The following GRM8 variants were observed in gnomAD, a reference collection of about 807,000 sequenced individuals.
GRM8 encodes metabotropic glutamate receptor 8.
GRM8 carries 47 observed loss-of-function variants against 87.2 expected under a neutral mutation model. The ratio of observed to expected loss-of-function variants is 0.54; its 90% confidence interval spans 0.43 to 0.69. The LOEUF is 0.69. Ranked by LOEUF, GRM8 falls within the 30% of genes least tolerant of loss-of-function variation. GRM8 has a pLI of 0.00. For synonymous variants in GRM8, 396 were observed against 404.5 expected, an observed-to-expected ratio of 0.98 and a Z score of 0.25; for missense variants, 1,019 against 1,139.2, an observed-to-expected ratio of 0.89 and a Z score of 1.52.
intron 6 of GRM8, among the ~76,000 whole-genome samples, chr7:126,814,330 C>A (rs1476924903): frequency 2.0e-5 from 3 of 152,042 alleles, no homozygotes; most frequent in Non-Finnish European, 2.9e-5. Flanking sequence ...GTTCTTGAAC[C>A]TCCCCTGTAA....
chr7:127,102,579 T>G (rs758067971), intron 3 of GRM8, among the ~76,000 whole-genome samples: 1 of 152,218 alleles, frequency 6.6e-6, no homozygotes, highest in Non-Finnish European at 1.5e-5. Flanking sequence ...CTCATGCCAC[T>G]GCTCTGGAGA....
chr7:127,102,158 C>A (rs565240204), intron 3 of GRM8, among the ~76,000 whole-genome samples: 2 of 152,338 alleles, frequency 1.3e-5, no homozygotes, highest in Non-Finnish European at 2.9e-5. Flanking sequence ...GGCCTGGCTG[C>A]TTTTAATAAC....
chr7:126,475,471 C>CA, intron 9 of GRM8, among the ~76,000 whole-genome samples: 1 of 151,850 alleles, frequency 6.6e-6, no homozygotes, highest in South Asian at 2.1e-4. Context: ...AAGAAAGACA[C>CA]AAAAAAGTTG....
At chr7:127,020,852 A>AT (rs1341392327) in intron 3 of GRM8, among the ~76,000 whole-genome samples, 1 of 152,046 alleles carries the variant, frequency 6.6e-6, no homozygotes, top group East Asian at 1.9e-4. Flanking sequence ...AAGAATCTCA[A>AT]TGTCCAATTA....
At position 126,446,109 on chromosome 7, in the gene GRM8, C is replaced by T. The variant is rs771488612; in HGVS notation, c.2677+17G>A. ...TGCTCCCGCTCTTGACCATCGGAAACTCTACAGATGACTTACTGTTGGTTT... is the reference window on the plus strand; with the variant it reads ...TGCTCCCGCTCTTGACCATCGGAAATTCTACAGATGACTTACTGTTGGTTT... On this transcript the variant is annotated intron_variant, in intron 10 of 10. Coordinates refer to ENST00000339582, the MANE Select transcript of GRM8 (RefSeq NM_000845.3). The T allele has an allele frequency of 6.2e-7, 1 of 1,612,548 alleles. No homozygotes were observed. Among genetic ancestry groups the T allele is most frequent in the Non-Finnish European group, 8.5e-7 (1 of 1,178,876 alleles).
chr7:127,174,609 T>G (rs1793991381), intron 2 of GRM8, among the ~76,000 whole-genome samples: 1 of 152,190 alleles, frequency 6.6e-6, no homozygotes, highest in East Asian at 1.9e-4. Context: ...TCAATTATTT[T>G]TCAGTCTCTT....
At chr7:127,047,453 C>T (rs1819044038) in intron 3 of GRM8, among the ~76,000 whole-genome samples, 1 of 151,920 alleles carries the variant, frequency 6.6e-6, no homozygotes, top group African/African-American at 2.4e-5. Flanking sequence ...TTCATGTTTA[C>T]ATTTCTCTCT....
intron 8 of GRM8, among the ~76,000 whole-genome samples, chr7:126,606,046 T>C (rs1035262229): frequency 6.6e-6 from 1 of 152,196 alleles, no homozygotes; most frequent in African/African-American, 2.4e-5. Flanking sequence ...AATAACTGCC[T>C]AGGTGATGAT....
At chr7:126,872,027 C>T (rs1314119176) in intron 6 of GRM8, among the ~76,000 whole-genome samples, 1 of 152,128 alleles carries the variant, frequency 6.6e-6, no homozygotes, top group Non-Finnish European at 1.5e-5. Context: ...TATTGCCAGC[C>T]CACACCCAGG....
At chr7:127,210,158 A>T (rs753359235) in intron 2 of GRM8, among the ~76,000 whole-genome samples, 16 of 152,204 alleles carry the variant, frequency 1.1e-4, no homozygotes, top group Non-Finnish European at 2.4e-4. Flanking sequence ...AACCCACAGT[A>T]GCTCAATGCC....
At chr7:127,051,738 GCAAAAAAAAAAAAA>G (rs1424800322) in intron 3 of GRM8, among the ~76,000 whole-genome samples, 1 of 13,054 alleles carries the variant, frequency 7.7e-5, no homozygotes, top group Non-Finnish European at 1.9e-4. Context: ...ATAATGTTGA[GCAAAAAAAAAAAAA>G]AAAAAAAAAA....
At chr7:126,843,153 G>A (rs1008417937) in intron 6 of GRM8, among the ~76,000 whole-genome samples, 2 of 152,196 alleles carry the variant, frequency 1.3e-5, no homozygotes, top group African/African-American at 4.8e-5. Context: ...TGAGGGTCAT[G>A]ACAAATATGC....
At chr7:126,701,298 T>C (rs973739833) in intron 7 of GRM8, among the ~76,000 whole-genome samples, 2 of 152,174 alleles carry the variant, frequency 1.3e-5, no homozygotes, top group Non-Finnish European at 2.9e-5. Flanking sequence ...TGGAGCACAG[T>C]AGCCTGTCAG....
rs150442967 is a variant in GRM8, at chr7:126,554,088, G to A, written c.1495-20201C>T. Among the ~76,000 whole-genome samples, 32 of 152,038 alleles carry A rather than the reference G, an allele frequency of 2.1e-4. No individual in the cohort carries two copies. The East Asian group carries it at 6.2e-3, about 29-fold the overall frequency. On this transcript the variant is annotated intron_variant, in intron 8 of 10. Coordinates refer to ENST00000339582, the MANE Select transcript of GRM8 (RefSeq NM_000845.3). ...AAATATATTCCAATCTTTTCTCAAAGAAATGAAATTTAAAATGAATTAAGT... is the reference window on the plus strand; with the variant it reads ...AAATATATTCCAATCTTTTCTCAAAAAAATGAAATTTAAAATGAATTAAGT...
intron 7 of GRM8, among the ~76,000 whole-genome samples, chr7:126,721,482 T>G (rs192231737): frequency 2.8e-4 from 42 of 152,318 alleles, no homozygotes; most frequent in Admixed American, 2.2e-3. Flanking sequence ...TTTCTTGGTG[T>G]TGTTGCCATT....
intron 8 of GRM8, among the ~76,000 whole-genome samples, chr7:126,568,330 CTAAAA>C (rs2150979216): frequency 6.6e-6 from 1 of 152,168 alleles, no homozygotes; most frequent in East Asian, 1.9e-4. Context: ...TATTCCAAAA[CTAAAA>C]TATTTCCACA....
chr7:127,098,205 C>T (rs558152959), intron 3 of GRM8, among the ~76,000 whole-genome samples: 11 of 152,282 alleles, frequency 7.2e-5, no homozygotes, highest in Admixed American at 2.6e-4. Context: ...ATCAATGGAA[C>T]TCAGCTGTAC....
In GRM8 at chr7:126,788,420, A is replaced by AAAAAAAAAAAAAC; in HGVS notation, c.1157-18356_1157-18355insGTTTTTTTTTTTT. On this transcript the variant is annotated intron_variant, in intron 6 of 10. Coordinates refer to ENST00000339582, the MANE Select transcript of GRM8 (RefSeq NM_000845.3). Reference sequence around the variant, plus strand: ...GCAAGACTCCATCTCAAAAAAAAAAAAAACCCTTTCAGATATCTTTAACAT... The same window carrying AAAAAAAAAAAAAC: ...GCAAGACTCCATCTCAAAAAAAAAAAAAAAAAAAAAAACAAACCCTTTCAGATATCTTTAACAT... Among the ~76,000 whole-genome samples the AAAAAAAAAAAAAC allele has an allele frequency of 7.4e-5, 6 of 81,132 alleles. 1 individual carries two copies. Among genetic ancestry groups the AAAAAAAAAAAAAC allele is most frequent in the African/African-American group, 2.7e-4 (6 of 21,824 alleles). The allele number at this position is 81,132 out of a possible 152,430, so 53.2% of individuals were successfully genotyped here. A position where few individuals can be genotyped will look rare whatever the true frequency, so the allele number is the denominator to read the frequency against.
chr7:126,686,038 G>C lies in GRM8; in HGVS notation c.1358-76540C>G, dbSNP rs1468605835. Among the ~76,000 whole-genome samples, 3 of 151,720 alleles carry C rather than the reference G, an allele frequency of 2.0e-5. 1 individual carries two copies. Among genetic ancestry groups the C allele is most frequent in the Non-Finnish European group, 1.5e-5 (1 of 67,916 alleles). On this transcript the variant is annotated intron_variant, in intron 7 of 10. Coordinates refer to ENST00000339582, the MANE Select transcript of GRM8 (RefSeq NM_000845.3). The stretch of plus-strand genomic sequence containing the variant: ...GCAGAGGACAGACAGATGATGGGGA[G>C]ATGACCAGATGACAAGCTGCAGAGA...
Sources: gnomAD v4.1 joint callset for allele counts (sites outside exome capture counted in the v4.1 genomes callset) on GRCh38, gnomAD v4.1.1 for gene constraint, MANE v1.5 for transcripts, NCBI Gene and HGNC (gene_info 2026-07-23, HGNC 2026-07-21) for gene names.